PADI4: variants seen among roughly 807,000 people sequenced by gnomAD.
The protein encoded by PADI4 is peptidyl arginine deiminase 4.
A neutral mutation model predicts 75.0 loss-of-function variants in PADI4; 62 were observed. The ratio of observed to expected loss-of-function variants is 0.83; its 90% CI spans 0.67 to 1.02. The LOEUF is 1.02. Ranked by LOEUF, PADI4 falls within the 50% of genes least tolerant of loss-of-function variation. The pLI is 0.00. For missense variants in PADI4, 845 were observed against 850.5 expected (o/e 0.99, Z 0.08); for synonymous variants, 361 against 348.1 (o/e 1.04, Z -0.41).
chr1:17,327,369 TGA>T lies in PADI4; in HGVS notation c.93-3598_93-3597del, dbSNP rs528849387. ...TTAATATATCCATCCCAGCTCTCTT[TGA>T]GTTAGCATTTGCTTAATGTATCTTT... On this transcript the variant is annotated intron_variant, in intron 1 of 15. Transcript: ENST00000375448. Among the ~76,000 whole-genome samples the T allele has an allele frequency of 1.9e-3, 287 of 152,316 alleles. 2 individuals are homozygous for T. The highest frequency in any genetic ancestry group is 6.6e-3 in the African/African-American group (276 of 41,578).
Position 17,363,005 on chromosome 1 carries a change from C to T in PADI4, c.1759-517C>T, listed in dbSNP as rs141891540. Among the ~76,000 whole-genome samples the T allele has an allele frequency of 8.5e-3, 1,299 of 151,988 alleles. 29 individuals carry two copies. Among genetic ancestry groups the T allele is most frequent in the African/African-American group, 0.029 (1,192 of 41,450 alleles). Reference sequence around the variant, plus strand: ...CTCATTCTTGTATTTTTAGTAGAGACGGGGTTTCCCCATGTTGGCCAAGCT... The same window carrying T: ...CTCATTCTTGTATTTTTAGTAGAGATGGGGTTTCCCCATGTTGGCCAAGCT... On this transcript the variant is annotated intron_variant, in intron 15 of 15. Transcript: ENST00000375448.
chr1:17,343,441 G>A (rs1019614786), intron 8 of PADI4, among the ~76,000 whole-genome samples: 1 of 152,088 alleles, frequency 6.6e-6, no homozygotes, highest in African/African-American at 2.4e-5. Flanking sequence ...GGGTAATGTG[G>A]TCAGGACGCA....
At chr1:17,326,149 T>G (rs1325186325) in intron 1 of PADI4, among the ~76,000 whole-genome samples, 2 of 152,204 alleles carry the variant, frequency 1.3e-5, no homozygotes, top group African/African-American at 4.8e-5. Flanking sequence ...TTTGCTTTCC[T>G]AATATTTTTT....
chr1:17,354,204 CG>C (rs1348921382), intron 10 of PADI4, among the ~76,000 whole-genome samples: 1 of 152,066 alleles, frequency 6.6e-6, no homozygotes, highest in Admixed American at 6.6e-5. Flanking sequence ...GATCATGCCA[CG>C]GCCCTCCAAC....
intron 9 of PADI4, among the ~76,000 whole-genome samples, chr1:17,347,011 C>T (rs1232217300): frequency 6.6e-6 from 1 of 151,890 alleles, no homozygotes; most frequent in Non-Finnish European, 1.5e-5. Flanking sequence ...GATCTCGGCT[C>T]ATCACAACCT....
At chr1:17,313,424 C>CT (rs2073874705) in intron 1 of PADI4, among the ~76,000 whole-genome samples, 1 of 128,514 alleles carries the variant, frequency 7.8e-6, no homozygotes, top group African/African-American at 2.9e-5. Flanking sequence ...TTGCTTGAAC[C>CT]TGGGAGGCGG....
chr1:17,311,604 A>G (rs2073830691), intron 1 of PADI4, among the ~76,000 whole-genome samples: 1 of 151,354 alleles, frequency 6.6e-6, no homozygotes, highest in Non-Finnish European at 1.5e-5. Context: ...GGCTCACCGC[A>G]AGCTCCACCT....
At position 17,351,020 on chromosome 1, in the gene PADI4, C is replaced by G. The variant is rs1350105344; in HGVS notation, c.1155+2972C>G. On this transcript the variant is annotated intron_variant, in intron 10 of 15. Coordinates refer to ENST00000375448, the MANE Select transcript of PADI4 (RefSeq NM_012387.3). ...TGGGCAACATAATGAGACCTTGTCCCTACAAAAAAAAAAAAAAAATTGTTT... is the reference window on the plus strand; with the variant it reads ...TGGGCAACATAATGAGACCTTGTCCGTACAAAAAAAAAAAAAAAATTGTTT... Among the ~76,000 whole-genome samples the G allele has an allele frequency of 3.3e-5, 3 of 90,806 alleles. 1 individual carries two copies. Among genetic ancestry groups the G allele is most frequent in the Non-Finnish European group, 7.9e-5 (3 of 38,128 alleles). The allele number at this position is 90,806 out of a possible 152,430, so 59.6% of individuals were successfully genotyped here.
At chr1:17,311,488 C>T (rs2073826792) in intron 1 of PADI4, among the ~76,000 whole-genome samples, 1 of 151,526 alleles carries the variant, frequency 6.6e-6, no homozygotes, top group Admixed American at 6.6e-5. Flanking sequence ...AAGCTGCCAT[C>T]TATGGTCTCT....
chr1:17,330,412 C>T (rs938478091), intron 1 of PADI4, among the ~76,000 whole-genome samples: 2 of 152,138 alleles, frequency 1.3e-5, no homozygotes, highest in East Asian at 1.9e-4. Flanking sequence ...CTGGCTCACA[C>T]GATCACAAGG....
At chr1:17,313,822 A>T (rs1224387503) in intron 1 of PADI4, among the ~76,000 whole-genome samples, 1 of 152,142 alleles carries the variant, frequency 6.6e-6, no homozygotes, top group Admixed American at 6.5e-5. Flanking sequence ...TGGAAGTTAC[A>T]AGAAGATTCA....
chr1:17,319,114 A>T (rs538934358), intron 1 of PADI4, among the ~76,000 whole-genome samples: 2 of 152,196 alleles, frequency 1.3e-5, no homozygotes, highest in Admixed American at 6.5e-5. Flanking sequence ...TGGCCAGTAT[A>T]CTAACTTTTA....
intron 1 of PADI4, among the ~76,000 whole-genome samples, chr1:17,324,688 G>C (rs909969968): frequency 2.1e-4 from 32 of 152,172 alleles, no homozygotes; most frequent in African/African-American, 6.5e-4. Context: ...TACTGGTTTT[G>C]AGTCTTGTTT....
At chr1:17,322,486 C>CA (rs2074046340) in intron 1 of PADI4, among the ~76,000 whole-genome samples, 1 of 12,260 alleles carries the variant, frequency 8.2e-5, no homozygotes, top group Admixed American at 1.2e-3. Flanking sequence ...GAGACTCCAT[C>CA]CCCCCCCAAA....
chr1:17,331,952 C>T (rs1413570189), intron 2 of PADI4, among the ~76,000 whole-genome samples: 1 of 152,124 alleles, frequency 6.6e-6, no homozygotes, highest in East Asian at 1.9e-4. Context: ...CCATGGTTTG[C>T]TTAAAACAAC....
Position 17,349,818 on chromosome 1 carries a change from G to C in PADI4, c.1155+1770G>C, listed in dbSNP as rs578165447. Among the ~76,000 whole-genome samples, 6 of 126,694 alleles carry C rather than the reference G, an allele frequency of 4.7e-5. 3 individuals carry two copies. In the South Asian group the frequency reaches 1.8e-3, roughly 38 times the overall value. The allele number at this position is 126,694 out of a possible 152,430, so 83.1% of individuals were successfully genotyped here. ...TCAGCACCAGGCTTTGGCCCCACCTGCCTCTCCAGCACCATTGTAGGCCAC... is the reference window on the plus strand; with the variant it reads ...TCAGCACCAGGCTTTGGCCCCACCTCCCTCTCCAGCACCATTGTAGGCCAC... On this transcript the variant is annotated intron_variant, in intron 10 of 15. Coordinates refer to ENST00000375448, the MANE Select transcript of PADI4 (RefSeq NM_012387.3).
chr1:17,338,326 C>G (rs2074354585), intron 5 of PADI4, among the ~76,000 whole-genome samples, 171 bp downstream of exon 5: 1 of 152,152 alleles, frequency 6.6e-6, no homozygotes, highest in Non-Finnish European at 1.5e-5. Flanking sequence ...GGTCAAGTGA[C>G]CTCCCCAAGC....
At chr1:17,332,891 G>C (rs71644036) in intron 2 of PADI4, among the ~76,000 whole-genome samples, 1 of 152,162 alleles carries the variant, frequency 6.6e-6, no homozygotes, top group Non-Finnish European at 1.5e-5. Context: ...GAGCAGGAGA[G>C]AGGAGAGAGT....
chr1:17,317,254 T>C (rs1012024079), intron 1 of PADI4, among the ~76,000 whole-genome samples: 1 of 150,784 alleles, frequency 6.6e-6, no homozygotes, highest in African/African-American at 2.4e-5. Context: ...CATAAGAAAA[T>C]AGCAATAACA....
Sources: allele counts gnomAD v4.1 joint callset (sites outside exome capture counted in the v4.1 genomes callset), GRCh38; gene constraint gnomAD v4.1.1; transcripts MANE v1.5; gene names NCBI Gene and HGNC (gene_info 2026-07-23, HGNC 2026-07-21).